The following ATP1A4 variants were observed in gnomAD, a reference collection of about 807,000 sequenced individuals.
ATP1A4 encodes sodium/potassium-transporting ATPase subunit alpha-4.
ATP1A4 carries 90 observed loss-of-function variants against 114.3 expected under a neutral mutation model. The observed-to-expected ratio is 0.79, with a 90% CI of 0.66 to 0.94. The LOEUF (loss-of-function observed/expected upper bound fraction) is 0.94, where lower values mean the gene tolerates loss of function less well. Ranked by LOEUF, ATP1A4 falls within the 40% of genes least tolerant of loss-of-function variation. The probability of loss-of-function intolerance (pLI) is 0.00; values close to 1 mark genes in which losing one functional copy is unlikely to be tolerated. For synonymous variants in ATP1A4, 511 were observed against 494.1 expected, an observed-to-expected ratio of 1.03 and a Z score of -0.45; for missense variants, 1,222 against 1,313.6, an observed-to-expected ratio of 0.93 and a Z score of 1.08.
At chr1:160,177,346 G>C in intron 17 of ATP1A4, 173 bp from the exon 18 acceptor site, 1 of 589,156 alleles carries the variant, frequency 1.7e-6, no homozygotes, top group Non-Finnish European at 2.9e-6. Flanking sequence ...AAGTCCCACA[G>C]AGATGAGAGA....
At position 160,171,314 on chromosome 1, in the gene ATP1A4, G is replaced by A. The variant is rs1653246322; in HGVS notation, c.1555G>A (p.Glu519Lys). 1.2e-6 allele frequency: 2 copies of A among 1,614,034 alleles called. No individual in the cohort carries two copies. The highest frequency in any genetic ancestry group is 1.7e-5 in the Admixed American group (1 of 60,004). Reference sequence around the variant, plus strand: ...CGTACTGATGATGAAGGGTGCTCCGGAGAGGATCTTGGAGTTTTGTTCTAC... The same window carrying A: ...CGTACTGATGATGAAGGGTGCTCCGAAGAGGATCTTGGAGTTTTGTTCTAC... Reference protein sequence around the residue: ...THVLMMKGAPERILEFCSTFL... With the variant: ...THVLMMKGAPKRILEFCSTFL... Residue 519 changes from glutamate (E) to lysine (K), a missense_variant, in exon 11 of 22, where the codon GAG (glutamate) becomes AAG (lysine). Physicochemically the swap from Glu to Lys is moderately conservative, Grantham distance 56. Coordinates refer to ENST00000368081, the MANE Select transcript of ATP1A4 (RefSeq NM_144699.4).
chr1:160,176,525 T>G lies in ATP1A4; in HGVS notation c.2513T>G (p.Met838Arg), dbSNP rs755704141. ...LAYESAESDI[M>R]KRLPRNPKTD... Reference sequence around the variant, plus strand: ...TATGAGTCAGCTGAAAGCGACATCATGAAGAGGCTTCCAAGGAACCCAAAG... The same window carrying G: ...TATGAGTCAGCTGAAAGCGACATCAGGAAGAGGCTTCCAAGGAACCCAAAG... The change falls in exon 17 of 22, where the codon ATG becomes AGG. Residue 838 changes from methionine (M) to arginine (R), a missense_variant. Transcript: ENST00000368081. 2.5e-6 allele frequency: 4 copies of G among 1,614,172 alleles called. No homozygotes were observed. Among genetic ancestry groups the G allele is most frequent in the East Asian group, 2.2e-5 (1 of 44,878 alleles).
intron 17 of ATP1A4, 31 bp downstream of exon 17, chr1:160,176,633 G>T (rs1198075859): frequency 1.2e-6 from 2 of 1,604,158 alleles, no homozygotes; most frequent in South Asian, 2.2e-5. Context: ...GGTGGAGGGA[G>T]CAGGGAGTGG....
chr1:160,175,933 C>G (rs1653444484), intron 15 of ATP1A4, among the ~76,000 whole-genome samples, 159 bp from the exon 16 acceptor site: 1 of 152,142 alleles, frequency 6.6e-6, no homozygotes, highest in Non-Finnish European at 1.5e-5. Flanking sequence ...TTAAAAGGCA[C>G]ACAATTTAGA....
chr1:160,186,493 C>T lies in ATP1A4; in HGVS notation c.3061+126C>T, dbSNP rs557813939. The T allele has an allele frequency of 6.7e-4, 695 of 1,044,444 alleles. 3 individuals carry two copies. The highest frequency in any genetic ancestry group is 2.2e-3 in the South Asian group (157 of 71,116). The allele number at this position is 1,044,444 out of a possible 1,614,324, so 64.7% of individuals were successfully genotyped here. ...CCCTCCTCGCTGCCAGCCTTGACTG[C>T]GCCTGGAGCCGAGACCTCTCTACCC... On this transcript the variant is annotated intron_variant, in intron 21 of 21. Transcript: ENST00000368081.
chr1:160,176,361 T>C (rs945980632), intron 16 of ATP1A4, 115 bp downstream of exon 16: 14 of 1,583,974 alleles, frequency 8.8e-6, no homozygotes, highest in South Asian at 1.1e-5. Context: ...GATCCAGCTC[T>C]CGCACCTCCT....
rs991810807 is a variant in ATP1A4, at chr1:160,180,825, T to C, written c.2737-859T>C. On this transcript the variant is annotated intron_variant, in intron 18 of 21. Transcript: ENST00000368081. ...CGCCTCCCGGGTTCACACCATTCTC[T>C]CGCCTCAGCCTCCCGAGCAGCTGGG... Among the ~76,000 whole-genome samples, 10 of 147,636 alleles carry C rather than the reference T, an allele frequency of 6.8e-5. No individual in the cohort carries two copies. The South Asian group carries it at 6.8e-4, about 10-fold the overall frequency.
chr1:160,154,530 C>T (rs901246683), intron 2 of ATP1A4, among the ~76,000 whole-genome samples: 6 of 152,162 alleles, frequency 3.9e-5, no homozygotes, highest in African/African-American at 1.4e-4. Flanking sequence ...AAATCCACTC[C>T]TCTAATTATT....
chr1:160,184,872 A>C (rs1370512636), intron 20 of ATP1A4, among the ~76,000 whole-genome samples: 1 of 152,132 alleles, frequency 6.6e-6, no homozygotes, highest in Admixed American at 6.5e-5. Context: ...ACAAAACAAT[A>C]TCCCCATCTT....
In ATP1A4 at chr1:160,186,684, G is replaced by A; in HGVS notation, c.3075G>A (p.Arg1025=). The A allele has an allele frequency of 1.2e-6, 2 of 1,611,038 alleles. No individual in the cohort carries two copies. Among genetic ancestry groups the A allele is most frequent in the South Asian group, 1.1e-5 (1 of 90,218 alleles). Residue 1025 remains arginine (R), a synonymous_variant, in exon 22 of 22, where the codon AGG becomes AGA. Transcript: ENST00000368081. ...TCTCTTCCACAGGCTGGGTGGAAAG[G>A]GAGACGTACTACTAAACTCAGCAGA... is the stretch of plus-strand genomic sequence containing the variant. The part of the protein sequence containing the change: ...IRQHPDGWVE[R]ETYY
chr1:160,166,786 TGAGA>T (rs1270564229), intron 8 of ATP1A4, 60 bp downstream of exon 8: 1 of 1,603,296 alleles, frequency 6.2e-7, no homozygotes, highest in African/African-American at 1.3e-5. Context: ...ATGAGTGAGC[TGAGA>T]GAGAATGGTG....
intron 15 of ATP1A4, among the ~76,000 whole-genome samples, chr1:160,175,440 T>C (rs1653425530): frequency 6.6e-6 from 1 of 152,062 alleles, no homozygotes; most frequent in African/African-American, 2.4e-5. Flanking sequence ...ACTGACTATG[T>C]GGGAGGCACT....
intron 1 of ATP1A4, 152 bp downstream of exon 1, chr1:160,152,339 A>AG (rs1175463156): frequency 5.3e-6 from 5 of 945,324 alleles, no homozygotes; most frequent in Non-Finnish European, 7.6e-6. Context: ...TAAAAAAAAA[A>AG]AAAAAGATAC....
At chr1:160,159,602 A>C (rs1235833109) in intron 6 of ATP1A4, 76 bp downstream of exon 6, 35 of 1,346,068 alleles carry the variant, frequency 2.6e-5, no homozygotes, top group Non-Finnish European at 3.1e-5. Context: ...CTGTCTTCTA[A>C]AGGTAGCGAG....
chr1:160,174,444 G>A (rs1653383449), intron 14 of ATP1A4, 135 bp from the exon 15 acceptor site: 1 of 1,439,358 alleles, frequency 6.9e-7, no homozygotes, highest in African/African-American at 1.4e-5. Context: ...CAGGAGGAGT[G>A]GGAGAAGGAC....
At chr1:160,163,559 G>A (rs530533283) in intron 6 of ATP1A4, among the ~76,000 whole-genome samples, 3 of 152,306 alleles carry the variant, frequency 2.0e-5, no homozygotes, top group Admixed American at 6.5e-5. Context: ...TGGAAGAGAC[G>A]CACAGGACAA....
chr1:160,173,110 CA>C (rs1653326334), intron 12 of ATP1A4, among the ~76,000 whole-genome samples: 1 of 152,048 alleles, frequency 6.6e-6, no homozygotes, highest in Non-Finnish European at 1.5e-5. Context: ...ACCAGGTATC[CA>C]AAACCAAGCT....
intron 18 of ATP1A4, among the ~76,000 whole-genome samples, chr1:160,180,855 C>G (rs1437043804): frequency 1.3e-5 from 2 of 151,964 alleles, no homozygotes; most frequent in Non-Finnish European, 2.9e-5. Flanking sequence ...GCTGGGACTA[C>G]AGGCACCCGC....
intron 20 of ATP1A4, 45 bp from the exon 21 acceptor site, chr1:160,186,231 G>A (rs2101663921): frequency 7.5e-7 from 1 of 1,341,908 alleles, no homozygotes; most frequent in East Asian, 2.3e-5. Context: ...CTGTCCTCTG[G>A]CATCTCTCTC....
Sources: gnomAD v4.1 joint callset for allele counts (sites outside exome capture counted in the v4.1 genomes callset) on GRCh38, gnomAD v4.1.1 for gene constraint, MANE v1.5 for transcripts, NCBI Gene and HGNC (gene_info 2026-07-23, HGNC 2026-07-21) for gene names.